PARPBP: variants seen among roughly 807,000 people sequenced by gnomAD.
PARPBP encodes the protein PCNA-interacting partner.
Under a neutral mutation model 50.0 loss-of-function variants are expected in PARPBP, and 52 were observed. The ratio of observed to expected loss-of-function variants is 1.04; its 90% CI spans 0.83 to 1.31. The LOEUF (loss-of-function observed/expected upper bound fraction) is 1.31, where lower values mean the gene tolerates loss of function less well. PARPBP is among the 50% of genes most tolerant of loss of function. PARPBP has a pLI of 0.00. For missense variants in PARPBP, 697 were observed against 672.0 expected (o/e 1.04, Z -0.41); for synonymous variants, 244 against 232.1 (o/e 1.05, Z -0.47).
intron 2 of PARPBP, among the ~76,000 whole-genome samples, chr12:102,144,264 C>T (rs910042085): frequency 6.6e-6 from 1 of 152,102 alleles, no homozygotes; most frequent in East Asian, 1.9e-4. Flanking sequence ...GTACAAAGTA[C>T]GAATGCTCTG....
intron 2 of PARPBP, among the ~76,000 whole-genome samples, chr12:102,130,908 T>C (rs1882757747): frequency 6.6e-6 from 1 of 150,576 alleles, no homozygotes; most frequent in Non-Finnish European, 1.5e-5. Context: ...GAACAGACAC[T>C]TTTCAAAAGA....
Position 102,184,559 on chromosome 12 carries a change from C to A in PARPBP, c.1263+1932C>A, listed in dbSNP as rs1890140918. 3.9e-5 allele frequency among the ~76,000 whole-genome samples: 6 copies of A among 152,140 alleles called. No individual in the cohort carries two copies. In the South Asian group the frequency reaches 1.0e-3, roughly 26 times the overall value. On this transcript the variant is annotated intron_variant, in intron 9 of 10. Transcript: ENST00000327680. ...CACCTTATCCAAGATCTCATAACTA[C>A]CATGAAATATTTTATAACAGTTTGC...
At chr12:102,193,784 G>A (rs1171038619) in intron 9 of PARPBP, among the ~76,000 whole-genome samples, 6 of 151,920 alleles carry the variant, frequency 3.9e-5, no homozygotes, top group Admixed American at 3.9e-4. Flanking sequence ...GTTACATATA[G>A]GGCATCTTGA....
intron 2 of PARPBP, among the ~76,000 whole-genome samples, chr12:102,128,635 C>T (rs909434522): frequency 2.0e-5 from 3 of 152,168 alleles, no homozygotes; most frequent in African/African-American, 7.2e-5. Flanking sequence ...CAGGTACATC[C>T]ATGTTGTTAC....
At chr12:102,154,796 A>T (rs889955414) in intron 4 of PARPBP, 2 of 451,496 alleles carry the variant, frequency 4.4e-6, no homozygotes, top group African/African-American at 4.0e-5. Context: ...TTTGTAAAGG[A>T]TATCAATTAA....
intron 2 of PARPBP, among the ~76,000 whole-genome samples, chr12:102,144,351 G>C (rs1885074382): frequency 6.6e-6 from 1 of 152,132 alleles, no homozygotes. Context: ...GAGAATTAAA[G>C]TGGTGAACAT....
chr12:102,142,602 GT>G (rs1015689274), intron 2 of PARPBP, among the ~76,000 whole-genome samples: 1 of 152,166 alleles, frequency 6.6e-6, no homozygotes, highest in Non-Finnish European at 1.5e-5. Flanking sequence ...TTCTGCTCTG[GT>G]TTCTCCCCAT....
At chr12:102,163,381 T>A (rs1488563310) in intron 4 of PARPBP, among the ~76,000 whole-genome samples, 2 of 152,232 alleles carry the variant, frequency 1.3e-5, no homozygotes, top group Admixed American at 6.5e-5. Context: ...TTGTTCTGGC[T>A]GCACTCAAGA....
chr12:102,160,966 A>G (rs866161579), intron 4 of PARPBP, among the ~76,000 whole-genome samples: 5 of 151,700 alleles, frequency 3.3e-5, no homozygotes, highest in Admixed American at 6.6e-5. Context: ...AAAAATATAT[A>G]TATAATCAGA....
intron 2 of PARPBP, among the ~76,000 whole-genome samples, chr12:102,137,171 T>G (rs937553902): frequency 6.6e-6 from 1 of 152,174 alleles, no homozygotes; most frequent in South Asian, 2.1e-4. Context: ...GCCAGGATGG[T>G]CTCGATCTCC....
intron 2 of PARPBP, among the ~76,000 whole-genome samples, chr12:102,134,471 T>C (rs1883338155): frequency 6.6e-6 from 1 of 152,172 alleles, no homozygotes; most frequent in Non-Finnish European, 1.5e-5. Context: ...AAAAGTCTTT[T>C]ATTAAAGAAA....
rs1310474325 is a variant in PARPBP, at chr12:102,148,308, C to A, written c.232C>A (p.Pro78Thr). Residue 78 changes from proline to threonine, a missense_variant, in exon 3 of 11, where the codon CCA becomes ACA. Transcript: ENST00000327680. ...KYLLHEKLNL[P>T]VENMDVTDHY... ...CTTGCTCCATGAGAAATTGAACTTA[C>A]CAGTTGAAAACATGGACGTGACTGA... 6.2e-6 allele frequency: 10 copies of A among 1,606,672 alleles called. No individual in the cohort carries two copies. The East Asian group carries it at 6.7e-5, about 11-fold the overall frequency.
intron 6 of PARPBP, among the ~76,000 whole-genome samples, chr12:102,173,470 T>C (rs1406258535): frequency 1.3e-5 from 2 of 152,154 alleles, no homozygotes; most frequent in African/African-American, 4.8e-5. Flanking sequence ...ACTAATTATA[T>C]AGAAAACTCC....
chr12:102,161,863 G>C (rs1887636647), intron 4 of PARPBP, among the ~76,000 whole-genome samples: 1 of 152,044 alleles, frequency 6.6e-6, no homozygotes, highest in Non-Finnish European at 1.5e-5. Flanking sequence ...ACTTTAGACT[G>C]GGGAATCAGG....
intron 9 of PARPBP, among the ~76,000 whole-genome samples, chr12:102,183,900 C>T (rs1379618513): frequency 6.6e-6 from 1 of 151,776 alleles, no homozygotes; most frequent in Admixed American, 6.6e-5. Context: ...CATGGTGAAA[C>T]CCTGTCTCTA....
intron 2 of PARPBP, among the ~76,000 whole-genome samples, chr12:102,130,696 A>G (rs1882710385): frequency 6.6e-6 from 1 of 150,854 alleles, no homozygotes; most frequent in Non-Finnish European, 1.5e-5. Flanking sequence ...TCTACTAGAA[A>G]TACAAAACAT....
At chr12:102,135,774 C>T (rs1883540107) in intron 2 of PARPBP, among the ~76,000 whole-genome samples, 1 of 152,122 alleles carries the variant, frequency 6.6e-6, no homozygotes, top group South Asian at 2.1e-4. Context: ...TCATCTTGCA[C>T]CTGCTGTTTT....
intron 9 of PARPBP, 64 bp from the exon 10 acceptor site, chr12:102,195,244 GTCTA>G (rs774454325): frequency 8.2e-4 from 809 of 991,362 alleles, no homozygotes; most frequent in Non-Finnish European, 1.1e-3. Flanking sequence ...TAGAGTGTGT[GTCTA>G]TCTAGATGAA....
chr12:102,197,253 T>C lies in PARPBP; in HGVS notation c.*962T>C, dbSNP rs534700546. 1 of 1,174,328 alleles carries C rather than the reference T, an allele frequency of 8.5e-7. No homozygotes were observed. Among genetic ancestry groups the C allele is most frequent in the South Asian group, 1.4e-5 (1 of 71,230 alleles). The allele number at this position is 1,174,328 out of a possible 1,614,324, so 72.7% of individuals were successfully genotyped here. On this transcript the variant is annotated 3_prime_UTR_variant, in exon 11 of 11. Transcript: ENST00000327680. ...TACAATTGTATAATATTCTTGTTGATCAATTCAAAGTTACTCTGCACTGTT... is the reference window on the plus strand; with the variant it reads ...TACAATTGTATAATATTCTTGTTGACCAATTCAAAGTTACTCTGCACTGTT...
Sources: gnomAD v4.1 joint callset for allele counts (sites outside exome capture counted in the v4.1 genomes callset) on GRCh38, gnomAD v4.1.1 for gene constraint, MANE v1.5 for transcripts, NCBI Gene and HGNC (gene_info 2026-07-23, HGNC 2026-07-21) for gene names.